TAMM41: variants seen among roughly 807,000 people sequenced by gnomAD.
The protein encoded by TAMM41 is TAM41 mitochondrial translocator assembly and maintenance homolog.
In TAMM41, 36 loss-of-function variants were observed where a neutral mutation model predicts 44.1. The ratio of observed to expected loss-of-function variants is 0.82; its 90% CI spans 0.63 to 1.08. TAMM41 has a LOEUF of 1.08. Among genes scored for constraint, TAMM41 ranks in the 50% least tolerant of loss-of-function variants. The pLI is 0.00. For synonymous variants in TAMM41, 164 were observed against 153.1 expected, an observed-to-expected ratio of 1.07 and a Z score of -0.53; for missense variants, 417 against 404.3, an observed-to-expected ratio of 1.03 and a Z score of -0.27.
chr3:11,733,053 C>G, the TAMM41 span, among the ~76,000 whole-genome samples: 1 of 140,722 alleles, frequency 7.1e-6, no homozygotes, highest in East Asian at 2.2e-4. Flanking sequence ...GGCTGGAGTG[C>G]AGTGGTACGA....
At chr3:11,776,612 C>A in the TAMM41 span, among the ~76,000 whole-genome samples, 1 of 152,156 alleles carries the variant, frequency 6.6e-6, no homozygotes, top group South Asian at 2.1e-4. Flanking sequence ...GTAGGTTAAG[C>A]CATCTAGGTT....
intron 2 of TAMM41, among the ~76,000 whole-genome samples, chr3:11,842,286 C>G (rs1473063293): frequency 6.6e-6 from 1 of 151,254 alleles, no homozygotes; most frequent in South Asian, 2.1e-4. Flanking sequence ...CCCAGCTACT[C>G]GGGAGGCTGA....
chr3:11,784,104 C>T, the TAMM41 span, among the ~76,000 whole-genome samples: 1 of 152,116 alleles, frequency 6.6e-6, no homozygotes, highest in Non-Finnish European at 1.5e-5. Context: ...TGGGCCCCAA[C>T]CAGGTAAGGA....
chr3:11,793,430 CA>C (rs34732162), intron 7 of TAMM41, among the ~76,000 whole-genome samples: 2,174 of 152,286 alleles, frequency 0.014, 64 homozygotes, highest in African/African-American at 0.049. Context: ...GATTGTTTAG[CA>C]GTTTCTACTA....
chr3:11,805,464 G>T (rs372984146), intron 7 of TAMM41, among the ~76,000 whole-genome samples: 6 of 152,090 alleles, frequency 3.9e-5, no homozygotes, highest in Non-Finnish European at 7.4e-5. Context: ...AAGAGACAGG[G>T]TCTTGCTGTG....
At chr3:11,758,285 T>C in the TAMM41 span, among the ~76,000 whole-genome samples, 1 of 152,196 alleles carries the variant, frequency 6.6e-6, no homozygotes, top group East Asian at 1.9e-4. Flanking sequence ...TGAAGGGCAA[T>C]GGAGACATTC....
At chr3:11,761,575 C>G in the TAMM41 span, among the ~76,000 whole-genome samples, 2 of 152,136 alleles carry the variant, frequency 1.3e-5, no homozygotes, top group African/African-American at 4.8e-5. Flanking sequence ...TTCCAAATAG[C>G]TGCCGACTGC....
intron 4 of TAMM41, among the ~76,000 whole-genome samples, chr3:11,821,829 C>G (rs1443089442): frequency 6.6e-6 from 1 of 152,092 alleles, no homozygotes; most frequent in Admixed American, 6.5e-5. Context: ...CAATGGAGAT[C>G]CAGGTTGGGC....
At chr3:11,808,736 GTT>G in intron 6 of TAMM41, 1 of 575,960 alleles carries the variant, frequency 1.7e-6, no homozygotes, top group South Asian at 7.6e-5. Context: ...TTTTTTGTTT[GTT>G]TTTTAAGAGA....
At chr3:11,751,151 G>T in the TAMM41 span, among the ~76,000 whole-genome samples, 1 of 149,546 alleles carries the variant, frequency 6.7e-6, no homozygotes, top group African/African-American at 2.5e-5. Flanking sequence ...GAGCACAGTG[G>T]CGTGATCTCA....
chr3:11,737,419 C>G, the TAMM41 span, among the ~76,000 whole-genome samples: 1 of 151,868 alleles, frequency 6.6e-6, no homozygotes, highest in Non-Finnish European at 1.5e-5. Flanking sequence ...CTCCCAGGTT[C>G]AAGCGATTCT....
the TAMM41 span, among the ~76,000 whole-genome samples, chr3:11,739,268 G>A: frequency 1.3e-4 from 20 of 152,214 alleles, no homozygotes; most frequent in African/African-American, 4.3e-4. Flanking sequence ...TAGATGATAA[G>A]GTCCTCGTGT....
At chr3:11,758,208 G>A in the TAMM41 span, among the ~76,000 whole-genome samples, 2 of 152,186 alleles carry the variant, frequency 1.3e-5, no homozygotes, top group African/African-American at 4.8e-5. Flanking sequence ...CAAGGTAAGC[G>A]GGAGCTGCTA....
chr3:11,818,033 A>G (rs968836485), intron 4 of TAMM41, among the ~76,000 whole-genome samples: 1 of 152,234 alleles, frequency 6.6e-6, no homozygotes, highest in African/African-American at 2.4e-5. Flanking sequence ...ACCATCGGCA[A>G]GATGGAGGAG....
downstream of TAMM41, among the ~76,000 whole-genome samples, chr3:11,786,316 A>ATTT (rs1207402327): frequency 2.4e-4 from 32 of 134,704 alleles, no homozygotes; most frequent in African/African-American, 3.5e-4. Flanking sequence ...TATTATTATT[A>ATTT]TTTTTTGAGA....
chr3:11,777,817 C>T, the TAMM41 span, among the ~76,000 whole-genome samples: 1 of 152,166 alleles, frequency 6.6e-6, no homozygotes. Flanking sequence ...AGTGTAAATT[C>T]AGCGTTTTTA....
At chr3:11,820,490 C>T (rs2078471175) in intron 4 of TAMM41, among the ~76,000 whole-genome samples, 1 of 152,154 alleles carries the variant, frequency 6.6e-6, no homozygotes, top group Non-Finnish European at 1.5e-5. Context: ...AGAACAAGGA[C>T]CGGGGCTTAT....
chr3:11,729,051 T>C, the TAMM41 span, among the ~76,000 whole-genome samples: 3 of 149,926 alleles, frequency 2.0e-5, no homozygotes, highest in South Asian at 2.1e-4. Flanking sequence ...GAGTCGGTGA[T>C]GTGTGTTCCT....
At chr3:11,727,488 A>G in the TAMM41 span, among the ~76,000 whole-genome samples, 1 of 152,156 alleles carries the variant, frequency 6.6e-6, no homozygotes, top group Non-Finnish European at 1.5e-5. Flanking sequence ...TATTTCAGAC[A>G]GGGTCTTGCT....
Sources: allele counts gnomAD v4.1 joint callset (sites outside exome capture counted in the v4.1 genomes callset), GRCh38; gene constraint gnomAD v4.1.1; transcripts MANE v1.5; gene names NCBI Gene and HGNC (gene_info 2026-07-23, HGNC 2026-07-21).